Variants in C8orf34 observed in about 807,000 individuals in gnomAD.
C8orf34 encodes uncharacterized protein C8orf34.
In C8orf34, 65 loss-of-function variants were observed where a neutral mutation model predicts 68.3. That is an observed-to-expected ratio of 0.95 (90% CI 0.78 to 1.17). The LOEUF (loss-of-function observed/expected upper bound fraction) is 1.17, where lower values mean the gene tolerates loss of function less well. Ranked by LOEUF, C8orf34 falls within the 50% of genes most tolerant of loss-of-function variation. The pLI is 0.00. For missense variants in C8orf34, 664 were observed against 655.4 expected, an observed-to-expected ratio of 1.01 and a Z score of -0.14; for synonymous variants, 244 against 241.2, an observed-to-expected ratio of 1.01 and a Z score of -0.11.
In C8orf34 at chr8:68,335,283, G is replaced by A. The variant is rs151306771; in HGVS notation, c.327+3944G>A. Among the ~76,000 whole-genome samples the A allele has an allele frequency of 3.2e-3, 487 of 152,212 alleles. 1 individual carries two copies. Among genetic ancestry groups the A allele is most frequent in the Non-Finnish European group, 4.9e-3 (335 of 68,000 alleles). ...TAAAAATAATTTGTCGTTAATAAAG[G>A]TAAAAGTGTCATTTTAATAAAAATG... On this transcript the variant is annotated intron_variant, in intron 1 of 13. Transcript: ENST00000518698.
rs1404169121 is a variant in C8orf34, at chr8:68,488,052, G to T, written c.765+1G>T. ...TGCAATTTCAGATGAACTCGATAAG[G>T]TAAGTTGAACTATACATCTGGTGAA... On this transcript the variant is annotated splice_donor_variant, in intron 5 of 13. Transcript: ENST00000518698. LOFTEE classifies it high-confidence loss of function. The T allele has an allele frequency of 1.3e-6, 2 of 1,587,680 alleles. No homozygotes were observed. The highest frequency in any genetic ancestry group is 2.3e-5 in the East Asian group (1 of 43,848).
chr8:68,522,765 C>T (rs964025061), intron 6 of C8orf34, among the ~76,000 whole-genome samples: 6 of 152,058 alleles, frequency 3.9e-5, no homozygotes, highest in Non-Finnish European at 8.8e-5. Flanking sequence ...TCACGGGAGG[C>T]ATGGCTTAGA....
intron 3 of C8orf34, among the ~76,000 whole-genome samples, chr8:68,451,063 G>T (rs1386417565): frequency 6.6e-6 from 1 of 152,066 alleles, no homozygotes; most frequent in Non-Finnish European, 1.5e-5. Context: ...TTTTCCATCA[G>T]CACTTGCTAC....
chr8:68,428,925 A>G (rs1418879453), intron 1 of C8orf34, among the ~76,000 whole-genome samples: 1 of 152,160 alleles, frequency 6.6e-6, no homozygotes, highest in Non-Finnish European at 1.5e-5. Context: ...ACCTCACCCC[A>G]TAATAAATGT....
intron 1 of C8orf34, among the ~76,000 whole-genome samples, chr8:68,387,247 G>C (rs931204750): frequency 6.6e-6 from 1 of 152,076 alleles, no homozygotes; most frequent in Non-Finnish European, 1.5e-5. Context: ...AATGACATTT[G>C]GGTAGGAGAG....
intron 7 of C8orf34, among the ~76,000 whole-genome samples, chr8:68,635,228 A>T (rs756902448): frequency 1.3e-5 from 2 of 152,186 alleles, no homozygotes; most frequent in Non-Finnish European, 2.9e-5. Context: ...ATGCTTAGAT[A>T]ATTGCCATGG....
chr8:68,349,604 C>T (rs954191304), intron 1 of C8orf34, among the ~76,000 whole-genome samples: 3 of 151,856 alleles, frequency 2.0e-5, no homozygotes, highest in Admixed American at 6.6e-5. Flanking sequence ...CTATCAGGGT[C>T]CAGGCTTTTT....
intron 4 of C8orf34, among the ~76,000 whole-genome samples, chr8:68,476,403 T>C (rs1262196471): frequency 6.6e-6 from 1 of 152,190 alleles, no homozygotes; most frequent in African/African-American, 2.4e-5. Flanking sequence ...AGAGTCAAGA[T>C]GTGTCGTGGA....
At chr8:68,693,321 G>A (rs1166186525) in intron 8 of C8orf34, among the ~76,000 whole-genome samples, 2 of 152,018 alleles carry the variant, frequency 1.3e-5, no homozygotes, top group Non-Finnish European at 2.9e-5. Flanking sequence ...CCCAGTGGAA[G>A]TGATGCCATA....
intron 10 of C8orf34, among the ~76,000 whole-genome samples, chr8:68,758,048 A>T (rs767106071): frequency 3.9e-5 from 6 of 152,196 alleles, no homozygotes; most frequent in Non-Finnish European, 5.9e-5. Context: ...CAGTCAGCAA[A>T]TATTTACTGC....
intron 1 of C8orf34, among the ~76,000 whole-genome samples, chr8:68,377,889 C>T (rs894388982): frequency 3.9e-5 from 6 of 152,128 alleles, no homozygotes; most frequent in African/African-American, 1.4e-4. Flanking sequence ...CAGGCACCTT[C>T]TTCACAGGGT....
At chr8:68,542,472 C>T (rs1268401997) in intron 7 of C8orf34, among the ~76,000 whole-genome samples, 1 of 152,022 alleles carries the variant, frequency 6.6e-6, no homozygotes, top group Non-Finnish European at 1.5e-5. Context: ...CTGAAACTTT[C>T]ACAGTTAGCA....
At chr8:68,565,256 T>G (rs977654845) in intron 7 of C8orf34, among the ~76,000 whole-genome samples, 1 of 152,286 alleles carries the variant, frequency 6.6e-6, no homozygotes, top group Admixed American at 6.5e-5. Flanking sequence ...AATTGGATCG[T>G]TGTTCTCCTG....
chr8:68,694,951 G>A (rs564437974), intron 8 of C8orf34, among the ~76,000 whole-genome samples: 2 of 151,698 alleles, frequency 1.3e-5, no homozygotes, highest in African/African-American at 2.4e-5. Context: ...TACCAATAAC[G>A]GAAGCAATTT....
At chr8:68,647,643 C>T (rs1056808894) in intron 8 of C8orf34, among the ~76,000 whole-genome samples, 3 of 152,026 alleles carry the variant, frequency 2.0e-5, no homozygotes, top group Non-Finnish European at 2.9e-5. Context: ...ATTAGGGCTA[C>T]GTTAAATAGC....
chr8:68,708,687 C>T (rs919607089), intron 8 of C8orf34, among the ~76,000 whole-genome samples: 1 of 152,248 alleles, frequency 6.6e-6, no homozygotes, highest in African/African-American at 2.4e-5. Flanking sequence ...CACTCAATTC[C>T]CCTTTGGTGT....
rs574334561 is a variant in C8orf34, at chr8:68,586,306, C to A, written c.1105+53157C>A. Among the ~76,000 whole-genome samples, 3 of 152,152 alleles carry A rather than the reference C, an allele frequency of 2.0e-5. No homozygotes were observed. The East Asian group carries it at 5.8e-4, about 29-fold the overall frequency. On this transcript the variant is annotated intron_variant, in intron 7 of 13. Transcript: ENST00000518698. Reference sequence around the variant, plus strand: ...CTGCATTTATTGTTCTATGTGATTTCGATTCTTTCTTTACTGCTTAATGTG... The same window carrying A: ...CTGCATTTATTGTTCTATGTGATTTAGATTCTTTCTTTACTGCTTAATGTG...
chr8:68,585,857 A>G (rs925980587), intron 7 of C8orf34, among the ~76,000 whole-genome samples: 3 of 152,116 alleles, frequency 2.0e-5, no homozygotes, highest in Admixed American at 6.6e-5. Flanking sequence ...AGGCAGACAG[A>G]CCCAAGCGGA....
At chr8:68,557,818 G>T (rs547485271) in intron 7 of C8orf34, among the ~76,000 whole-genome samples, 1 of 152,258 alleles carries the variant, frequency 6.6e-6, no homozygotes, top group Admixed American at 6.5e-5. Context: ...TCTATATGCT[G>T]TTTAATTATA....
Sources: allele counts gnomAD v4.1 joint callset (sites outside exome capture counted in the v4.1 genomes callset), GRCh38; gene constraint gnomAD v4.1.1; transcripts MANE v1.5; gene names NCBI Gene and HGNC (gene_info 2026-07-23, HGNC 2026-07-21).